Variants in RASGRF1 observed in about 807,000 individuals in gnomAD.
RASGRF1 encodes the protein ras-specific guanine nucleotide-releasing factor 1.
RASGRF1 carries 40 observed loss-of-function variants against 138.7 expected under a neutral mutation model. The ratio of observed to expected loss-of-function variants is 0.29; its 90% confidence interval spans 0.22 to 0.38. The LOEUF is 0.38. Among genes scored for constraint, RASGRF1 ranks in the 10% least tolerant of loss-of-function variants. RASGRF1 has a pLI of 1.00. For synonymous variants in RASGRF1, 614 were observed against 663.2 expected (o/e 0.93, Z 1.14); for missense variants, 1,108 against 1,650.4 (o/e 0.67, Z 5.69).
intron 1 of RASGRF1, among the ~76,000 whole-genome samples, chr15:79,072,267 C>CTTTTTTGTTTTTTTTTT (rs2057768064): frequency 1.6e-5 from 1 of 61,576 alleles, no homozygotes; most frequent in Non-Finnish European, 3.0e-5. Flanking sequence ...GATAAACAAT[C>CTTTTTTGTTTTTTTTTT]TTTTTTTTTT....
intron 13 of RASGRF1, among the ~76,000 whole-genome samples, chr15:79,008,989 C>T (rs2056740212): frequency 6.6e-6 from 1 of 152,186 alleles, no homozygotes; most frequent in Non-Finnish European, 1.5e-5. Flanking sequence ...AATATGACGT[C>T]TGATAAGGTT....
At chr15:78,992,071 C>T (rs946750063) in intron 20 of RASGRF1, among the ~76,000 whole-genome samples, 2 of 152,216 alleles carry the variant, frequency 1.3e-5, no homozygotes, top group Non-Finnish European at 1.5e-5. Flanking sequence ...GCTCCCAGCA[C>T]GTGCATGAGA....
chr15:78,999,296 G>A (rs1431369398), intron 17 of RASGRF1, among the ~76,000 whole-genome samples: 2 of 152,172 alleles, frequency 1.3e-5, no homozygotes, highest in African/African-American at 2.4e-5. Flanking sequence ...CCAGGCAGGA[G>A]GGTCAGCACT....
chr15:78,993,375 G>A (rs1463676040), intron 20 of RASGRF1, among the ~76,000 whole-genome samples: 2 of 138,516 alleles, frequency 1.4e-5, no homozygotes, highest in Admixed American at 7.1e-5. Flanking sequence ...TGTGTGTAGT[G>A]TGTGTGTGTG....
In RASGRF1 at chr15:79,069,595, G is replaced by A. The variant is rs368488908; in HGVS notation, c.277-5069C>T. ...AGGGACTGGGCAGATTTCTCCAGGG[G>A]AAGCAGGTCTTGCTGCAGCAGTCGG... On this transcript the variant is annotated intron_variant, in intron 1 of 26. Coordinates refer to ENST00000558480, the MANE Select transcript of RASGRF1 (RefSeq NM_001145648.3). 1.5e-4 allele frequency among the ~76,000 whole-genome samples: 23 copies of A among 152,300 alleles called. 2 individuals are homozygous for A. The South Asian group carries it at 4.6e-3, about 30-fold the overall frequency.
chr15:79,038,071 G>A (rs1408343462), intron 5 of RASGRF1, among the ~76,000 whole-genome samples: 1 of 152,166 alleles, frequency 6.6e-6, no homozygotes. Context: ...ATGAATCTTT[G>A]CTTGCTCATC....
At chr15:79,051,102 C>T (rs112730936) in intron 3 of RASGRF1, among the ~76,000 whole-genome samples, 131 of 152,310 alleles carry the variant, frequency 8.6e-4, no homozygotes, top group African/African-American at 3.1e-3. Flanking sequence ...AAGATAGTAG[C>T]TCAGGGGATT....
intron 5 of RASGRF1, among the ~76,000 whole-genome samples, chr15:79,040,374 C>T (rs961323832): frequency 1.3e-5 from 2 of 152,204 alleles, no homozygotes; most frequent in Non-Finnish European, 1.5e-5. Context: ...CCACTCTTGC[C>T]CCTGGTCCAC....
chr15:79,017,806 T>C lies in RASGRF1; in HGVS notation c.1707A>G (p.Arg569=). The change falls in exon 12 of 27, where the codon AGA becomes AGG. Residue 569 remains arginine (R), a synonymous_variant. Coordinates refer to ENST00000558480, the MANE Select transcript of RASGRF1 (RefSeq NM_001145648.3). The part of the protein sequence containing the change: ...PFTVILVASS[R]QEKAAWTSDI... ...CACTGGTCCACGCTGCCTTCTCCTG[T>C]CTGGACGAGGCCACTAGGATGACTG... The C allele has an allele frequency of 1.9e-6, 3 of 1,612,238 alleles. No homozygotes were observed. Among genetic ancestry groups the C allele is most frequent in the Non-Finnish European group, 2.5e-6 (3 of 1,179,362 alleles).
intron 13 of RASGRF1, among the ~76,000 whole-genome samples, chr15:79,012,889 G>T (rs865915707): frequency 3.5e-4 from 53 of 152,242 alleles, no homozygotes; most frequent in African/African-American, 1.2e-3. Context: ...CACCATGTTG[G>T]TCAGGCTGGT....
At chr15:79,047,092 A>G (rs1374722269) in intron 4 of RASGRF1, 93 bp from the exon 5 acceptor site, 1 of 1,490,456 alleles carries the variant, frequency 6.7e-7, no homozygotes, top group East Asian at 2.3e-5. Flanking sequence ...GGTAGGAACC[A>G]AGGCTTTGTT....
chr15:79,089,617 G>T (rs2141118818), intron 1 of RASGRF1, among the ~76,000 whole-genome samples: 1 of 152,342 alleles, frequency 6.6e-6, no homozygotes. Context: ...TGTTGCTCCG[G>T]CGGCCGCCAG....
intron 26 of RASGRF1, among the ~76,000 whole-genome samples, chr15:78,971,598 A>C (rs1320471724): frequency 6.6e-6 from 1 of 152,162 alleles, no homozygotes; most frequent in Non-Finnish European, 1.5e-5. Context: ...GATGTTATCA[A>C]CTCTGCCTGT....
At chr15:78,998,264 T>G in intron 18 of RASGRF1, 56 bp from the exon 19 acceptor site, 2 of 1,426,266 alleles carry the variant, frequency 1.4e-6, no homozygotes. Context: ...TGCTCTGCAG[T>G]GGTCTGGGCC....
At chr15:79,017,676 A>C (rs1595906950) in intron 12 of RASGRF1, 94 bp downstream of exon 12, 1 of 1,388,912 alleles carries the variant, frequency 7.2e-7, no homozygotes, top group Non-Finnish European at 9.7e-7. Flanking sequence ...CAGCTACTCC[A>C]CCACCCCCAC....
At chr15:79,085,762 G>A (rs1399633958) in intron 1 of RASGRF1, among the ~76,000 whole-genome samples, 1 of 152,144 alleles carries the variant, frequency 6.6e-6, no homozygotes, top group Non-Finnish European at 1.5e-5. Context: ...AGAGAGGCGA[G>A]CTCCCTACTC....
intron 10 of RASGRF1, 129 bp downstream of exon 10, chr15:79,025,185 T>A: frequency 2.0e-6 from 2 of 979,632 alleles, no homozygotes; most frequent in Non-Finnish European, 2.8e-6. Context: ...TGTGTATATC[T>A]GTGTGTGTGT....
chr15:78,971,490 C>T (rs2055759549), intron 26 of RASGRF1, among the ~76,000 whole-genome samples: 1 of 152,124 alleles, frequency 6.6e-6, no homozygotes, highest in African/African-American at 2.4e-5. Flanking sequence ...GGAAATGTTG[C>T]CTTTGGAAGG....
In RASGRF1 at chr15:79,049,513, T is replaced by C. The variant is rs745858877; in HGVS notation, c.607A>G (p.Ile203Val). The change falls in exon 4 of 27, where the codon ATC (isoleucine) becomes GTC (valine). Residue 203 changes from isoleucine to valine, a missense_variant. Physicochemically the swap from Ile to Val is conservative, Grantham distance 29 (BLOSUM62 3). Around this residue, in one of 3 missense-constraint regions of RASGRF1, gnomAD observed 253 missense variants for 329.5 expected, o/e 0.77. Coordinates refer to ENST00000558480, the MANE Select transcript of RASGRF1 (RefSeq NM_001145648.3). ...GCACTGACCTTCTTAATTTTCTTGA[T>C]GTCGCTGTCTTCATCGTTGGGGGCG... The part of the protein sequence containing the change: ...TVAPNDEDSD[I>V]KKIKKVQSFL... 1.2e-6 allele frequency: 2 copies of C among 1,614,054 alleles called. No individual in the cohort carries two copies. Among genetic ancestry groups the C allele is most frequent in the South Asian group, 1.1e-5 (1 of 91,040 alleles).
Sources: allele counts gnomAD v4.1 joint callset (sites outside exome capture counted in the v4.1 genomes callset), GRCh38; gene constraint gnomAD v4.1.1; regional missense constraint gnomAD v4.1.1; transcripts MANE v1.5; gene names NCBI Gene and HGNC (gene_info 2026-07-23, HGNC 2026-07-21).